MACROD2: variants seen among roughly 807,000 people sequenced by gnomAD.
MACROD2 encodes the protein ADP-ribose glycohydrolase MACROD2.
A neutral mutation model predicts 70.4 loss-of-function variants in MACROD2; 36 were observed. The ratio of observed to expected loss-of-function variants is 0.51; its 90% CI spans 0.39 to 0.68. MACROD2 has a LOEUF of 0.68. Ranked by LOEUF, MACROD2 falls within the 30% of genes least tolerant of loss-of-function variation. The probability of loss-of-function intolerance (pLI) is 0.00; values close to 1 mark genes in which losing one functional copy is unlikely to be tolerated. For synonymous variants in MACROD2, 172 were observed against 178.8 expected, an observed-to-expected ratio of 0.96 and a Z score of 0.30; for missense variants, 496 against 538.4, an observed-to-expected ratio of 0.92 and a Z score of 0.78.
intron 5 of MACROD2, among the ~76,000 whole-genome samples, chr20:15,033,505 C>T (rs2075290779): frequency 6.6e-6 from 1 of 152,112 alleles, no homozygotes; most frequent in Non-Finnish European, 1.5e-5. Flanking sequence ...CTGCTTATGA[C>T]CCAGTTATTT....
At chr20:15,463,613 G>A (rs1185262360) in intron 7 of MACROD2, among the ~76,000 whole-genome samples, 1 of 152,036 alleles carries the variant, frequency 6.6e-6, no homozygotes, top group African/African-American at 2.4e-5. Flanking sequence ...GCTGGGTGTG[G>A]TGGTGCAGGC....
intron 4 of MACROD2, among the ~76,000 whole-genome samples, chr20:14,583,300 A>G (rs147050085): frequency 1.3e-5 from 2 of 152,258 alleles, no homozygotes; most frequent in African/African-American, 4.8e-5. Flanking sequence ...TGAGGATGTT[A>G]ATGCCTCAAA....
intron 5 of MACROD2, among the ~76,000 whole-genome samples, chr20:14,962,449 T>TTA (rs201799271): frequency 0.02 from 2,894 of 143,034 alleles, 97 homozygotes; most frequent in African/African-American, 0.074. Flanking sequence ...TATATAGTAT[T>TTA]TATATATATA....
intron 8 of MACROD2, among the ~76,000 whole-genome samples, chr20:15,563,792 C>A (rs182502889): frequency 6.6e-6 from 1 of 152,240 alleles, no homozygotes; most frequent in Admixed American, 6.5e-5. Context: ...AGGGATATAG[C>A]ACATTGTTTG....
chr20:15,672,981 C>G (rs1033143173), intron 8 of MACROD2, among the ~76,000 whole-genome samples: 2 of 152,110 alleles, frequency 1.3e-5, no homozygotes, highest in African/African-American at 4.8e-5. Flanking sequence ...TGCCTGTCAC[C>G]ATGTAAGACA....
chr20:16,041,454 A>T (rs540895366), intron 16 of MACROD2, among the ~76,000 whole-genome samples, 176 bp downstream of exon 16: 21 of 151,170 alleles, frequency 1.4e-4, no homozygotes, highest in South Asian at 4.2e-4. Context: ...CTCTTATTTA[A>T]AAAAAAAACC....
At chr20:14,018,548 C>T (rs1266288692) in intron 2 of MACROD2, among the ~76,000 whole-genome samples, 1 of 152,056 alleles carries the variant, frequency 6.6e-6, no homozygotes. Flanking sequence ...AGTTTTCCTT[C>T]TGTTATTGAT....
chr20:14,644,394 T>G (rs1472828257), intron 4 of MACROD2, among the ~76,000 whole-genome samples: 1 of 152,232 alleles, frequency 6.6e-6, no homozygotes, highest in Non-Finnish European at 1.5e-5. Context: ...TTATTTGCCT[T>G]TCTTTGTAAC....
At chr20:15,479,786 C>A (rs2047072549) in intron 7 of MACROD2, among the ~76,000 whole-genome samples, 1 of 152,126 alleles carries the variant, frequency 6.6e-6, no homozygotes, top group Non-Finnish European at 1.5e-5. Context: ...ACACCAGCTG[C>A]TTCTTCAGAT....
chr20:14,530,398 G>A (rs908338644), intron 4 of MACROD2, among the ~76,000 whole-genome samples: 7 of 152,168 alleles, frequency 4.6e-5, no homozygotes, highest in Non-Finnish European at 7.3e-5. Flanking sequence ...GATTTGTTTC[G>A]TCAAGAAGGG....
intron 5 of MACROD2, among the ~76,000 whole-genome samples, chr20:14,841,296 T>C (rs1028422025): frequency 2.0e-5 from 3 of 152,144 alleles, no homozygotes; most frequent in Non-Finnish European, 4.4e-5. Flanking sequence ...GAGGTTTTGA[T>C]TGAAAAATTC....
rs1378855881 is a variant in MACROD2, at chr20:15,499,330, G to A, written c.572-444G>A. Among the ~76,000 whole-genome samples, 5 of 152,118 alleles carry A rather than the reference G, an allele frequency of 3.3e-5. No homozygotes were observed. In the East Asian group the frequency reaches 9.6e-4, roughly 29 times the overall value. ...AGTTTCTGTGGTATGTTTCATTGGT[G>A]GAGTTCTGCTGGCCTTGTGACTGGC... On this transcript the variant is annotated intron_variant, in intron 7 of 17. Coordinates refer to ENST00000684519, the MANE Select transcript of MACROD2 (RefSeq NM_001351661.2).
At chr20:15,003,093 C>A (rs987934750) in intron 5 of MACROD2, among the ~76,000 whole-genome samples, 2 of 152,114 alleles carry the variant, frequency 1.3e-5, no homozygotes, top group Non-Finnish European at 1.5e-5. Flanking sequence ...CTGTCCAGAA[C>A]CCACCATTAT....
chr20:14,864,331 C>T (rs2073404442), intron 5 of MACROD2, among the ~76,000 whole-genome samples: 1 of 152,096 alleles, frequency 6.6e-6, no homozygotes, highest in African/African-American at 2.4e-5. Flanking sequence ...GTGTATCCTT[C>T]AGTTGTGCCC....
At chr20:14,030,961 T>C (rs2053240091) in intron 2 of MACROD2, among the ~76,000 whole-genome samples, 1 of 152,212 alleles carries the variant, frequency 6.6e-6, no homozygotes, top group Admixed American at 6.5e-5. Context: ...CGTTTTCTTA[T>C]CTTCTTCCAC....
chr20:15,609,426 C>A (rs542201477), intron 8 of MACROD2, among the ~76,000 whole-genome samples: 3 of 152,316 alleles, frequency 2.0e-5, no homozygotes, highest in South Asian at 4.1e-4. Context: ...TAGCTCACAG[C>A]AATATTGGAA....
At chr20:14,098,064 T>A (rs2054252351) in intron 3 of MACROD2, among the ~76,000 whole-genome samples, 1 of 152,204 alleles carries the variant, frequency 6.6e-6, no homozygotes, top group Non-Finnish European at 1.5e-5. Context: ...TCTAAAGAAA[T>A]GATGGCCGTC....
At chr20:15,324,755 C>T (rs1389995063) in intron 6 of MACROD2, among the ~76,000 whole-genome samples, 1 of 152,038 alleles carries the variant, frequency 6.6e-6, no homozygotes, top group Non-Finnish European at 1.5e-5. Flanking sequence ...AAGTCATCAA[C>T]CACAAGGGAA....
chr20:15,419,241 G>C (rs1446379052), intron 6 of MACROD2, among the ~76,000 whole-genome samples: 1 of 152,188 alleles, frequency 6.6e-6, no homozygotes, highest in East Asian at 1.9e-4. Context: ...CCAGGGCAAG[G>C]GCAAGGAATT....
Sources: allele counts gnomAD v4.1 joint callset (sites outside exome capture counted in the v4.1 genomes callset), GRCh38; gene constraint gnomAD v4.1.1; transcripts MANE v1.5; gene names NCBI Gene and HGNC (gene_info 2026-07-23, HGNC 2026-07-21).